Variants in ETNK1 observed in about 807,000 individuals in gnomAD.
The protein encoded by ETNK1 is ethanolamine kinase 1.
ETNK1 carries 8 observed loss-of-function variants against 45.1 expected under a neutral mutation model. That is an observed-to-expected ratio of 0.18 (90% CI 0.10 to 0.32). The LOEUF (loss-of-function observed/expected upper bound fraction) is 0.32, where lower values mean the gene tolerates loss of function less well. Ranked by LOEUF, ETNK1 falls within the 10% of genes least tolerant of loss-of-function variation. The pLI is 1.00. For synonymous variants in ETNK1, 152 were observed against 151.9 expected, an observed-to-expected ratio of 1.00 and a Z score of -0.01; for missense variants, 302 against 430.6, an observed-to-expected ratio of 0.70 and a Z score of 2.64.
At chr12:22,625,886 C>G (rs2137505532) in intron 1 of ETNK1, 1 of 643,260 alleles carries the variant, frequency 1.6e-6, no homozygotes, top group South Asian at 1.5e-5. Flanking sequence ...CTCCCACTCC[C>G]CAGTCCACGG....
Position 22,643,759 on chromosome 12 carries a change from G to T in ETNK1, c.157-4G>T. 6.4e-7 allele frequency: 1 copy of T among 1,561,116 alleles called. No homozygotes were observed. The highest frequency in any genetic ancestry group is 1.2e-5 in the South Asian group (1 of 83,756). ...TTCCCATTTTTAAAAAAAATTTTTGGCAGCTCTTCACAGATGGAATCACAA... is the reference window on the plus strand; with the variant it reads ...TTCCCATTTTTAAAAAAAATTTTTGTCAGCTCTTCACAGATGGAATCACAA... On this transcript the variant is annotated splice_region_variant and splice_polypyrimidine_tract_variant and intron_variant, in intron 1 of 7. Transcript: ENST00000266517.
intron 5 of ETNK1, among the ~76,000 whole-genome samples, chr12:22,672,233 G>A (rs1316061400): frequency 2.0e-5 from 3 of 151,978 alleles, no homozygotes; most frequent in Non-Finnish European, 4.4e-5. Flanking sequence ...TTAAATGTAA[G>A]TGGGAAGAAT....
At chr12:22,642,532 C>G (rs926172148) in intron 1 of ETNK1, among the ~76,000 whole-genome samples, 2 of 151,444 alleles carry the variant, frequency 1.3e-5, no homozygotes, top group Non-Finnish European at 2.9e-5. Flanking sequence ...ACAGCTAAGC[C>G]CTATATATAA....
intron 1 of ETNK1, among the ~76,000 whole-genome samples, chr12:22,640,006 C>T (rs2137529474): frequency 6.6e-6 from 1 of 152,204 alleles, no homozygotes; most frequent in South Asian, 2.1e-4. Context: ...ATGCTTAATT[C>T]TATTTTAATT....
chr12:22,671,528 T>C (rs1227369668), intron 5 of ETNK1, among the ~76,000 whole-genome samples, 173 bp downstream of exon 5: 1 of 152,166 alleles, frequency 6.6e-6, no homozygotes, highest in African/African-American at 2.4e-5. Flanking sequence ...CAAAATTTCT[T>C]CCTTAATTGC....
intron 5 of ETNK1, among the ~76,000 whole-genome samples, chr12:22,672,878 T>A (rs1030623738): frequency 2.0e-5 from 3 of 152,142 alleles, no homozygotes; most frequent in African/African-American, 7.2e-5. Flanking sequence ...GATCATGAAG[T>A]TAAATTTGTG....
chr12:22,660,959 A>G (rs1450927788), intron 3 of ETNK1, 104 bp from the exon 4 acceptor site: 3 of 923,200 alleles, frequency 3.2e-6, no homozygotes, highest in South Asian at 1.6e-5. Flanking sequence ...ATTCAGCAGT[A>G]TGTGCGATTA....
At chr12:22,647,583 G>C (rs1396194536) in intron 2 of ETNK1, among the ~76,000 whole-genome samples, 3 of 151,844 alleles carry the variant, frequency 2.0e-5, no homozygotes, top group Non-Finnish European at 4.4e-5. Flanking sequence ...GGCTGATGCA[G>C]GGCAACAGGA....
At chr12:22,651,481 T>A (rs986742691) in intron 2 of ETNK1, among the ~76,000 whole-genome samples, 4 of 152,140 alleles carry the variant, frequency 2.6e-5, no homozygotes, top group African/African-American at 7.2e-5. Context: ...ATTTGGGGGC[T>A]GCTTTCTATT....
At chr12:22,630,355 A>G (rs556314662) in intron 1 of ETNK1, among the ~76,000 whole-genome samples, 21 of 152,306 alleles carry the variant, frequency 1.4e-4, no homozygotes, top group African/African-American at 5.1e-4. Flanking sequence ...CTGTAATGCT[A>G]GTTTTCAGTA....
chr12:22,636,921 A>G (rs1953663146), intron 1 of ETNK1, among the ~76,000 whole-genome samples: 1 of 152,222 alleles, frequency 6.6e-6, no homozygotes, highest in African/African-American at 2.4e-5. Flanking sequence ...AAATCAAAAT[A>G]TAACAGGCTT....
rs1953479429 is a variant in ETNK1 at position 22,625,512 on chromosome 12, C to T, written c.82C>T (p.Arg28Cys). Residue 28 changes from arginine (R) to cysteine (C), a missense_variant, in exon 1 of 8, where the codon CGC becomes TGC. By Grantham distance (180) the Arg-to-Cys change is radical. Transcript: ENST00000266517. ...CACCGTTCAGGATCAGGAGGAGCAT[C>T]GCTGCCGGGAGGGGGCCCTGAGCCT... is the stretch of plus-strand genomic sequence containing the variant. ...NVTVQDQEEH[R>C]CREGALSLLQ... 1 of 1,606,296 alleles carries T rather than the reference C, an allele frequency of 6.2e-7. No individual in the cohort carries two copies. The highest frequency in any genetic ancestry group is 1.3e-5 in the African/African-American group (1 of 74,842).
chr12:22,647,906 C>T (rs567522551), intron 2 of ETNK1, among the ~76,000 whole-genome samples: 5 of 151,826 alleles, frequency 3.3e-5, no homozygotes, highest in Non-Finnish European at 7.4e-5. Context: ...TAAAACCTCG[C>T]TTACTGAGAC....
chr12:22,687,852 T>C lies in ETNK1; in HGVS notation c.*2898T>C, dbSNP rs913375455. The C allele has an allele frequency of 2.6e-5, 4 of 152,348 alleles. No individual in the cohort carries two copies. Among genetic ancestry groups the C allele is most frequent in the Admixed American group, 2.6e-4 (4 of 15,254 alleles). 9.4% of individuals were successfully genotyped at this position (152,348 alleles called of 1,614,324 possible). On this transcript the variant is annotated 3_prime_UTR_variant, in exon 8 of 8. Coordinates refer to ENST00000266517, the MANE Select transcript of ETNK1 (RefSeq NM_018638.5). Reference sequence around the variant, plus strand: ...TAAGGAAATGATTCAGCTTGTTGGTTTTAGAGTAAAAATAGCCAACAGTTG... The same window carrying C: ...TAAGGAAATGATTCAGCTTGTTGGTCTTAGAGTAAAAATAGCCAACAGTTG...
At position 22,625,700 on chromosome 12, in the gene ETNK1, C is replaced by T. The variant is rs189437477; in HGVS notation, c.156+114C>T. On this transcript the variant is annotated intron_variant, in intron 1 of 7. Coordinates refer to ENST00000266517, the MANE Select transcript of ETNK1 (RefSeq NM_018638.5). Reference sequence around the variant, plus strand: ...CGAGGAGGACCTAGGGCAACATCTCCTTAAGTCTATTGGGAAGTGACCCTG... The same window carrying T: ...CGAGGAGGACCTAGGGCAACATCTCTTTAAGTCTATTGGGAAGTGACCCTG... The T allele has an allele frequency of 4.5e-5, 64 of 1,433,766 alleles. No homozygotes were observed. In the African/African-American group the frequency reaches 7.9e-4, roughly 18 times the overall value. 88.8% of individuals were successfully genotyped at this position (1,433,766 alleles called of 1,614,324 possible). A position where few individuals can be genotyped will look rare whatever the true frequency, so the allele number is the denominator to read the frequency against.
rs1160305189 is a variant in ETNK1, at chr12:22,644,026, C to T, written c.416+4C>T. On this transcript the variant is annotated splice_donor_region_variant and intron_variant, in intron 2 of 7. Transcript: ENST00000266517. ...TCTGCAACCCAGCCATTTTCAGGTA[C>T]ATTTTCTTTTCTGAATTTTTCCTTT... The T allele has an allele frequency of 2.6e-6, 4 of 1,563,986 alleles. No homozygotes were observed. The highest frequency in any genetic ancestry group is 3.5e-6 in the Non-Finnish European group (4 of 1,155,364).
At chr12:22,630,176 G>T (rs549984404) in intron 1 of ETNK1, among the ~76,000 whole-genome samples, 1 of 152,218 alleles carries the variant, frequency 6.6e-6, no homozygotes, top group East Asian at 1.9e-4. Flanking sequence ...TCTATAAAAT[G>T]GTATTACCTT....
chr12:22,630,650 G>C (rs896671738), intron 1 of ETNK1, among the ~76,000 whole-genome samples: 1 of 151,946 alleles, frequency 6.6e-6, no homozygotes, highest in Non-Finnish European at 1.5e-5. Context: ...TCTCGCTGTA[G>C]CCCAGGCTGG....
intron 4 of ETNK1, among the ~76,000 whole-genome samples, chr12:22,670,129 A>G (rs1954093275): frequency 6.6e-6 from 1 of 152,168 alleles, no homozygotes; most frequent in African/African-American, 2.4e-5. Flanking sequence ...AAACTTACAA[A>G]TGTATATCAA....
Sources: gnomAD v4.1 joint callset for allele counts (sites outside exome capture counted in the v4.1 genomes callset) on GRCh38, gnomAD v4.1.1 for gene constraint, MANE v1.5 for transcripts, NCBI Gene and HGNC (gene_info 2026-07-23, HGNC 2026-07-21) for gene names.